GOLGA3: variants seen among roughly 807,000 people sequenced by gnomAD.
GOLGA3 encodes golgin A3.
A neutral mutation model predicts 169.4 loss-of-function variants in GOLGA3; 75 were observed. That is an observed-to-expected ratio of 0.44 (90% CI 0.37 to 0.54). The LOEUF is 0.54. Among genes scored for constraint, GOLGA3 ranks in the 20% least tolerant of loss-of-function variants. GOLGA3 has a pLI of 0.00. For missense variants in GOLGA3, 1,899 were observed against 1,930.0 expected (o/e 0.98, Z 0.30); for synonymous variants, 824 against 822.4 (o/e 1.00, Z -0.03).
In GOLGA3 at chr12:132,769,159, A is replaced by C. The variant is rs999127916; in HGVS notation, c.*3946T>G. The C allele has an allele frequency of 6.6e-6, 1 of 152,238 alleles. No individual in the cohort carries two copies. The highest frequency in any genetic ancestry group is 1.5e-5 in the Non-Finnish European group (1 of 68,038). The allele number at this position is 152,238 out of a possible 1,614,324, so 9.4% of individuals were successfully genotyped here. On this transcript the variant is annotated 3_prime_UTR_variant, in exon 24 of 24. Transcript: ENST00000450791. The stretch of plus-strand genomic sequence containing the variant: ...CCTCCGGATCCTGTGAGAGCCTGAG[A>C]TCACTTATGACGAGATTCACCTGGA...
Position 132,795,844 on chromosome 12 carries a change from T to G in GOLGA3, c.2469+8A>C. ...TGATTCAAAACAAAACACAGCAGAATGCATTACCTGGCCGGATTTGATAGC... is the reference window on the plus strand; with the variant it reads ...TGATTCAAAACAAAACACAGCAGAAGGCATTACCTGGCCGGATTTGATAGC... On this transcript the variant is annotated splice_region_variant and intron_variant, in intron 11 of 23. Coordinates refer to ENST00000450791, the MANE Select transcript of GOLGA3 (RefSeq NM_001389683.1). The G allele has an allele frequency of 1.2e-6, 2 of 1,608,932 alleles. No homozygotes were observed. Among genetic ancestry groups the G allele is most frequent in the Non-Finnish European group, 1.7e-6 (2 of 1,175,788 alleles).
chr12:132,801,964 C>T lies in GOLGA3; in HGVS notation c.1603G>A (p.Asp535Asn), dbSNP rs777262504. 3.5e-5 allele frequency: 56 copies of T among 1,596,178 alleles called. 1 individual carries two copies. The East Asian group carries it at 5.1e-4, about 15-fold the overall frequency. ...AAGGCTGTCATCTGCTGTCGCAGGT[C>T]GTGCACTGAAATGGGGCAAGCACAG... ...SMLSKDNTVH[D>N]LRQQMTALQS... The change falls in exon 8 of 24, where the codon GAC (aspartate) becomes AAC (asparagine). Residue 535 changes from aspartate (D) to asparagine (N), a missense_variant. By Grantham distance (23) the Asp-to-Asn change is conservative. Transcript: ENST00000450791.
In GOLGA3 at chr12:132,824,119, G is replaced by A. The variant is rs537302455; in HGVS notation, c.-183-1808C>T. 6.4e-4 allele frequency among the ~76,000 whole-genome samples: 98 copies of A among 152,264 alleles called. 1 individual carries two copies. The South Asian group carries it at 9.1e-3, about 14-fold the overall frequency. On this transcript the variant is annotated intron_variant, in intron 1 of 23. Coordinates refer to ENST00000450791, the MANE Select transcript of GOLGA3 (RefSeq NM_001389683.1). ...AACAACAAAAAAAAGAGAAGCCCACGTGGCTGGTCCTCGAGAGCATGTGTG... is the reference window on the plus strand; with the variant it reads ...AACAACAAAAAAAAGAGAAGCCCACATGGCTGGTCCTCGAGAGCATGTGTG...
At chr12:132,825,036 G>A (rs1320019290) in intron 1 of GOLGA3, among the ~76,000 whole-genome samples, 9 of 152,172 alleles carry the variant, frequency 5.9e-5, no homozygotes, top group African/African-American at 1.4e-4. Context: ...AGGACTACAC[G>A]CGGTGGAATG....
At chr12:132,813,163 G>A (rs1949798320) in intron 4 of GOLGA3, 144 bp downstream of exon 4, 2 of 626,500 alleles carry the variant, frequency 3.2e-6, no homozygotes, top group Middle Eastern at 4.2e-4. Context: ...TCAATTGGCA[G>A]ATTTAGAAAT....
chr12:132,807,690 C>T (rs1949475808), intron 5 of GOLGA3, among the ~76,000 whole-genome samples: 1 of 151,730 alleles, frequency 6.6e-6, no homozygotes, highest in Admixed American at 6.5e-5. Flanking sequence ...TCACCTGTTC[C>T]AGTGCGGAGA....
At position 132,786,347 on chromosome 12, in the gene GOLGA3, C is replaced by G; in HGVS notation, c.3115G>C (p.Ala1039Pro). 2 of 1,599,502 alleles carry G rather than the reference C, an allele frequency of 1.3e-6. No individual in the cohort carries two copies. The highest frequency in any genetic ancestry group is 1.1e-5 in the South Asian group (1 of 89,858). Residue 1039 changes from alanine to proline, a missense_variant, in exon 15 of 24, where the codon GCT becomes CCT. By Grantham distance (27) the Ala-to-Pro change is conservative. Transcript: ENST00000450791. ...GGCACGGTGTTACCTACATGTAGAG[C>G]CAGGCTGCTGTCACTGCTGCCACCC... ...AQGGSSDSSL[A>P]LHERIQALEA... is the part of the protein sequence containing the mutation.
intron 6 of GOLGA3, 139 bp downstream of exon 6, chr12:132,807,038 A>T: frequency 3.5e-6 from 2 of 567,906 alleles, no homozygotes; most frequent in South Asian, 4.1e-5. Flanking sequence ...AAAAACGTAA[A>T]GATGCAGAAC....
intron 11 of GOLGA3, among the ~76,000 whole-genome samples, chr12:132,793,669 G>T: frequency 1.0e-5 from 1 of 99,040 alleles, no homozygotes; most frequent in Non-Finnish European, 2.0e-5. Flanking sequence ...CACTCGGAGG[G>T]CTCCACACAG....
rs986913967 is a variant in GOLGA3 at position 132,821,936 on chromosome 12, C to CGTCCTCCCTCAACACCAG, written c.133+42_133+59dup. Reference sequence around the variant, plus strand: ...AACGCCACATCCTCCCTCAACACCACGTCCTCCCTCAACACCAGGTCCTCC... The same window carrying CGTCCTCCCTCAACACCAG: ...AACGCCACATCCTCCCTCAACACCACGTCCTCCCTCAACACCAGGTCCTCCCTCAACACCAGGTCCTCC... On this transcript the variant is annotated intron_variant, in intron 2 of 23. Transcript: ENST00000450791. The CGTCCTCCCTCAACACCAG allele has an allele frequency of 5.0e-5, 54 of 1,088,062 alleles. 1 individual carries two copies. The East Asian group carries it at 7.7e-4, about 16-fold the overall frequency. The allele number at this position is 1,088,062 out of a possible 1,614,324, so 67.4% of individuals were successfully genotyped here.
chr12:132,821,099 C>CAAAAAA (rs61336622), intron 2 of GOLGA3, among the ~76,000 whole-genome samples: 1,418 of 49,216 alleles, frequency 0.029, 117 homozygotes, highest in East Asian at 0.062. Flanking sequence ...GACACCGTCT[C>CAAAAAA]AAAAAAAAAA....
At chr12:132,798,227 A>C in intron 9 of GOLGA3, 113 bp downstream of exon 9, 1 of 989,248 alleles carries the variant, frequency 1.0e-6, no homozygotes, top group Non-Finnish European at 1.4e-6. Context: ...CCCGCCATCC[A>C]TGAGAATATT....
In GOLGA3 at chr12:132,805,005, A is replaced by G; in HGVS notation, c.1308T>C (p.Ala436=). 3.1e-6 allele frequency: 5 copies of G among 1,609,582 alleles called. No homozygotes were observed. Among genetic ancestry groups the G allele is most frequent in the Non-Finnish European group, 4.2e-6 (5 of 1,179,540 alleles). ...LEASQALKEK[A]ELQAQLAALS... The stretch of plus-strand genomic sequence containing the variant: ...GGGCGGCCAGCTGGGCCTGCAGCTC[A>G]GCCTTCTCTTTAAGTGCCTGAAAAG... The change falls in exon 7 of 24, where the codon GCT becomes GCC. Residue 436 remains alanine, a synonymous_variant. Coordinates refer to ENST00000450791, the MANE Select transcript of GOLGA3 (RefSeq NM_001389683.1).
In GOLGA3 at chr12:132,816,700, G is replaced by C; in HGVS notation, c.246C>G (p.Leu82=). 3 of 1,614,144 alleles carry C rather than the reference G, an allele frequency of 1.9e-6. No homozygotes were observed. Among genetic ancestry groups the C allele is most frequent in the African/African-American group, 1.3e-5 (1 of 75,030 alleles). ...GGCCCACTGGGCTTGTGGTGGGATCGAGAGACGACGGAGGGTCTGGGAAGG... is the reference window on the plus strand; with the variant it reads ...GGCCCACTGGGCTTGTGGTGGGATCCAGAGACGACGGAGGGTCTGGGAAGG... ...TPPFPDPPSS[L]DPTTSPVGPD... Residue 82 remains leucine, a synonymous_variant, in exon 3 of 24, where the codon CTC becomes CTG. Transcript: ENST00000450791.
Position 132,816,640 on chromosome 12 carries a change from G to C in GOLGA3, c.306C>G (p.Asp102Glu), listed in dbSNP as rs1194644836. 6.2e-7 allele frequency: 1 copy of C among 1,614,030 alleles called. No homozygotes were observed. The highest frequency in any genetic ancestry group is 1.3e-5 in the African/African-American group (1 of 74,944). The stretch of plus-strand genomic sequence containing the variant: ...TAGTTCCCTGAGACTTCCTTAGGTT[G>C]TCATGGAAACCAGCCACACCTGGAG... Reference protein sequence around the residue: ...DASPGVAGFHDNLRKSQGTSA... With the variant: ...DASPGVAGFHENLRKSQGTSA... Residue 102 changes from aspartate to glutamate, a missense_variant, in exon 3 of 24, where the codon GAC (aspartate) becomes GAG (glutamate). Coordinates refer to ENST00000450791, the MANE Select transcript of GOLGA3 (RefSeq NM_001389683.1).
At chr12:132,797,909 C>A (rs1948932745) in intron 9 of GOLGA3, among the ~76,000 whole-genome samples, 1 of 152,192 alleles carries the variant, frequency 6.6e-6, no homozygotes, top group South Asian at 2.1e-4. Context: ...CAAAGAAAAT[C>A]CTCTCATCCC....
chr12:132,819,950 T>TG (rs1295477604), intron 2 of GOLGA3, among the ~76,000 whole-genome samples: 1 of 152,054 alleles, frequency 6.6e-6, no homozygotes, highest in African/African-American at 2.4e-5. Flanking sequence ...GAGGCCAAGG[T>TG]GGGGGGATCA....
intron 1 of GOLGA3, among the ~76,000 whole-genome samples, chr12:132,824,777 T>C (rs542499339): frequency 1.3e-5 from 2 of 152,184 alleles, no homozygotes; most frequent in Non-Finnish European, 2.9e-5. Flanking sequence ...GGATCTGAAC[T>C]ACACACCTGT....
intron 15 of GOLGA3, 137 bp from the exon 16 acceptor site, chr12:132,784,444 C>A (rs1275766489): frequency 1.4e-6 from 1 of 724,946 alleles, no homozygotes; most frequent in African/African-American, 1.8e-5. Flanking sequence ...TCACAACCTT[C>A]CTTTTTGTTA....
Sources: allele counts gnomAD v4.1 joint callset (sites outside exome capture counted in the v4.1 genomes callset), GRCh38; gene constraint gnomAD v4.1.1; transcripts MANE v1.5; gene names NCBI Gene and HGNC (gene_info 2026-07-23, HGNC 2026-07-21).